ZNF682: variants seen among roughly 807,000 people sequenced by gnomAD.
ZNF682 encodes zinc finger protein 682.
Under a neutral mutation model 36.5 loss-of-function variants are expected in ZNF682, and 29 were observed. The ratio of observed to expected loss-of-function variants is 0.80; its 90% CI spans 0.59 to 1.08. ZNF682 has a LOEUF of 1.08. Among genes scored for constraint, ZNF682 ranks in the 50% least tolerant of loss-of-function variants. The pLI, the probability that ZNF682 is intolerant of heterozygous loss-of-function variation, is 0.00. For missense variants in ZNF682, 561 were observed against 579.7 expected (o/e 0.97, Z 0.33); for synonymous variants, 180 against 197.0 (o/e 0.91, Z 0.72).
chr19:19,998,613 T>A (rs1451234261), intron 3 of ZNF682, among the ~76,000 whole-genome samples: 2 of 152,162 alleles, frequency 1.3e-5, no homozygotes, highest in African/African-American at 2.4e-5. Flanking sequence ...TTAGGCCTCA[T>A]AAGAAGCTGG....
intron 1 of ZNF682, among the ~76,000 whole-genome samples, chr19:20,036,479 A>G (rs2088529933): frequency 6.6e-6 from 1 of 151,608 alleles, no homozygotes; most frequent in African/African-American, 2.4e-5. Flanking sequence ...GGTGACGGGC[A>G]CCTGTAAACC....
intron 1 of ZNF682, among the ~76,000 whole-genome samples, chr19:20,036,702 C>T (rs1445597679): frequency 6.7e-6 from 1 of 148,154 alleles, no homozygotes. Context: ...CATGGTGGCT[C>T]ATGCCTGTAA....
intron 1 of ZNF682, among the ~76,000 whole-genome samples, chr19:20,037,543 C>T (rs147117885): frequency 0.012 from 1,791 of 152,292 alleles, 17 homozygotes; most frequent in South Asian, 0.033. Context: ...GGAACACAGA[C>T]ATATCTGACT....
intron 3 of ZNF682, among the ~76,000 whole-genome samples, chr19:20,009,674 TC>T (rs1190790534): frequency 2.0e-5 from 3 of 152,086 alleles, no homozygotes; most frequent in Non-Finnish European, 2.9e-5. Flanking sequence ...ACAGTGGACC[TC>T]CCCACAGAAA....
chr19:19,998,340 C>T (rs1335361399), intron 3 of ZNF682, among the ~76,000 whole-genome samples: 1 of 152,080 alleles, frequency 6.6e-6, no homozygotes, highest in African/African-American at 2.4e-5. Context: ...TCAGAAGAAG[C>T]CACCCTTAGT....
At chr19:20,036,126 C>T (rs1408026783) in intron 1 of ZNF682, among the ~76,000 whole-genome samples, 2 of 152,116 alleles carry the variant, frequency 1.3e-5, no homozygotes, top group African/African-American at 4.8e-5. Context: ...TAAATAGAAA[C>T]CAAGGTACAG....
downstream of ZNF682, among the ~76,000 whole-genome samples, chr19:20,003,592 C>T (rs1297169973): frequency 6.6e-6 from 1 of 151,718 alleles, no homozygotes; most frequent in Non-Finnish European, 1.5e-5. Flanking sequence ...GTAGTCCCAG[C>T]TACTGGGGAG....
At chr19:19,997,238 G>A in exon 4 of ZNF682, 1 of 398,622 alleles carries the variant, frequency 2.5e-6, no homozygotes, top group Non-Finnish European at 4.4e-6. Flanking sequence ...CAGGACTGGG[G>A]TCCTACTGTC....
At chr19:20,032,625 A>T (rs539152873) in intron 1 of ZNF682, among the ~76,000 whole-genome samples, 4 of 152,326 alleles carry the variant, frequency 2.6e-5, no homozygotes, top group Non-Finnish European at 5.9e-5. Flanking sequence ...CAAAAATGTA[A>T]TTAAAAGCAC....
intron 1 of ZNF682, chr19:20,039,140 G>C (rs1311814394): frequency 2.1e-6 from 3 of 1,399,560 alleles, no homozygotes; most frequent in Non-Finnish European, 1.9e-6. Flanking sequence ...AACGGAACGG[G>C]ATGCCCGCCC....
At chr19:20,025,342 A>C (rs2088421425) in intron 1 of ZNF682, among the ~76,000 whole-genome samples, 3 of 152,234 alleles carry the variant, frequency 2.0e-5, no homozygotes, top group Admixed American at 2.0e-4. Flanking sequence ...TTTATAATTA[A>C]AAAAAATCTG....
At chr19:19,999,275 T>A (rs1344341915) in intron 3 of ZNF682, among the ~76,000 whole-genome samples, 1 of 152,228 alleles carries the variant, frequency 6.6e-6, no homozygotes, top group Non-Finnish European at 1.5e-5. Context: ...TACCCTATCA[T>A]TCTGTACTCC....
chr19:19,998,576 G>A (rs1324853132), intron 3 of ZNF682, among the ~76,000 whole-genome samples: 1 of 152,184 alleles, frequency 6.6e-6, no homozygotes, highest in Non-Finnish European at 1.5e-5. Context: ...TTAGTGGGGT[G>A]CCTCTTCCTC....
chr19:20,038,220 T>C (rs2088551005), intron 1 of ZNF682, among the ~76,000 whole-genome samples: 1 of 152,148 alleles, frequency 6.6e-6, no homozygotes, highest in Non-Finnish European at 1.5e-5. Flanking sequence ...TGGTCTTTTT[T>C]TTTTTCATGG....
At chr19:19,997,587 TC>T (rs769005996) in intron 3 of ZNF682, among the ~76,000 whole-genome samples, 16 of 152,170 alleles carry the variant, frequency 1.1e-4, no homozygotes, top group Admixed American at 3.9e-4. Flanking sequence ...AAATACTAGT[TC>T]CTGTTGTGTT....
chr19:20,034,780 A>C (rs964523985), intron 1 of ZNF682, among the ~76,000 whole-genome samples: 1 of 151,686 alleles, frequency 6.6e-6, no homozygotes, highest in Non-Finnish European at 1.5e-5. Flanking sequence ...ATCTCAAAAA[A>C]AAAAAAAAGA....
intron 1 of ZNF682, chr19:20,031,010 A>C (rs1203417181): frequency 6.6e-6 from 1 of 152,230 alleles, no homozygotes; most frequent in Non-Finnish European, 1.5e-5. Context: ...TGCACACAAC[A>C]ACCTCAAATG....
chr19:20,010,448 T>C (rs2088274727), intron 3 of ZNF682, among the ~76,000 whole-genome samples: 1 of 151,474 alleles, frequency 6.6e-6, no homozygotes, highest in African/African-American at 2.4e-5. Flanking sequence ...TCACCTGAGG[T>C]CAGGAGTTTG....
intron 2 of ZNF682, 62 bp from the exon 3 acceptor site, chr19:20,023,161 T>C: frequency 7.0e-7 from 1 of 1,430,652 alleles, no homozygotes; most frequent in Non-Finnish European, 9.8e-7. Context: ...CAACCTAGTG[T>C]TGTGCTCTGT....
Sources: allele counts gnomAD v4.1 joint callset (sites outside exome capture counted in the v4.1 genomes callset), GRCh38; gene constraint gnomAD v4.1.1; transcripts MANE v1.5; gene names NCBI Gene and HGNC (gene_info 2026-07-23, HGNC 2026-07-21).